The following VEGFC variants were observed in gnomAD, a reference collection of about 807,000 sequenced individuals.
The protein encoded by VEGFC is FLT4 ligand DHM.
Under a neutral mutation model 46.1 loss-of-function variants are expected in VEGFC, and 12 were observed. The observed-to-expected ratio is 0.26, with a 90% CI of 0.17 to 0.42. The LOEUF (loss-of-function observed/expected upper bound fraction) is 0.42, where lower values mean the gene tolerates loss of function less well. Among genes scored for constraint, VEGFC ranks in the 10% least tolerant of loss-of-function variants. The probability of loss-of-function intolerance (pLI) is 1.00; values close to 1 mark genes in which losing one functional copy is unlikely to be tolerated. For missense variants in VEGFC, 488 were observed against 529.4 expected, an observed-to-expected ratio of 0.92 and a Z score of 0.77; for synonymous variants, 232 against 195.5, an observed-to-expected ratio of 1.19 and a Z score of -1.56.
chr4:176,706,493 G>A (rs1414683085), intron 4 of VEGFC, among the ~76,000 whole-genome samples: 1 of 151,752 alleles, frequency 6.6e-6, no homozygotes, highest in Non-Finnish European at 1.5e-5. Flanking sequence ...CAGGCATGGT[G>A]GCGGGCAACT....
intron 1 of VEGFC, among the ~76,000 whole-genome samples, chr4:176,757,258 CAT>C (rs1483954440): frequency 6.6e-6 from 1 of 151,978 alleles, no homozygotes; most frequent in Non-Finnish European, 1.5e-5. Flanking sequence ...AAGGAACACA[CAT>C]GTGTACTTGT....
At chr4:176,790,117 C>T (rs796449388) in intron 1 of VEGFC, among the ~76,000 whole-genome samples, 1 of 152,136 alleles carries the variant, frequency 6.6e-6, no homozygotes, top group Non-Finnish European at 1.5e-5. Flanking sequence ...AGTTGTGTGA[C>T]ATGTTTCATA....
intron 2 of VEGFC, 110 bp downstream of exon 2, chr4:176,729,423 G>T (rs781008260): frequency 1.2e-5 from 10 of 815,502 alleles, no homozygotes; most frequent in East Asian, 2.8e-5. Context: ...TTTGCTTTCC[G>T]CCCTAAAGGT....
intron 6 of VEGFC, among the ~76,000 whole-genome samples, chr4:176,684,547 C>T (rs1734003964): frequency 6.6e-6 from 1 of 152,050 alleles, no homozygotes; most frequent in Non-Finnish European, 1.5e-5. Flanking sequence ...CGGTGACTAA[C>T]TCTTCCTTTC....
At chr4:176,735,081 A>AAAAC (rs1735031263) in intron 1 of VEGFC, among the ~76,000 whole-genome samples, 1 of 151,706 alleles carries the variant, frequency 6.6e-6, no homozygotes, top group Non-Finnish European at 1.5e-5. Context: ...TCTGTCATGG[A>AAAAC]ATTTTGCTGT....
At chr4:176,703,185 C>G (rs1212699298) in intron 4 of VEGFC, among the ~76,000 whole-genome samples, 1 of 151,810 alleles carries the variant, frequency 6.6e-6, no homozygotes, top group African/African-American at 2.4e-5. Context: ...TAGAAGGGAA[C>G]TTTTTTGTTT....
At chr4:176,763,276 G>A (rs548969795) in intron 1 of VEGFC, among the ~76,000 whole-genome samples, 5 of 152,082 alleles carry the variant, frequency 3.3e-5, no homozygotes, top group East Asian at 1.9e-4. Context: ...CAAAAAGCAC[G>A]CCATTTCTAT....
At chr4:176,710,034 G>C (rs1197619987) in intron 4 of VEGFC, among the ~76,000 whole-genome samples, 2 of 152,016 alleles carry the variant, frequency 1.3e-5, no homozygotes, top group African/African-American at 4.8e-5. Context: ...TGATTTCAAG[G>C]CCTCAAAGAA....
chr4:176,724,261 TA>T (rs1438201649), intron 3 of VEGFC, among the ~76,000 whole-genome samples: 2 of 152,128 alleles, frequency 1.3e-5, no homozygotes, highest in African/African-American at 4.8e-5. Context: ...ACAAACTCCC[TA>T]AAACTGTGGG....
chr4:176,726,403 G>A (rs1030262110), intron 3 of VEGFC, among the ~76,000 whole-genome samples: 2 of 75,576 alleles, frequency 2.6e-5, no homozygotes, highest in African/African-American at 3.9e-5. Flanking sequence ...AGGCCCCAAA[G>A]CATCACCTTT....
chr4:176,748,605 A>G (rs1435092635), intron 1 of VEGFC, among the ~76,000 whole-genome samples: 1 of 152,006 alleles, frequency 6.6e-6, no homozygotes, highest in Admixed American at 6.6e-5. Flanking sequence ...TAAGAATATA[A>G]TAGGTATTAA....
chr4:176,746,889 T>C (rs958732513), intron 1 of VEGFC, among the ~76,000 whole-genome samples: 17 of 152,138 alleles, frequency 1.1e-4, no homozygotes, highest in Non-Finnish European at 1.9e-4. Flanking sequence ...GTTGATGAAC[T>C]CCTGTTTGCT....
At chr4:176,751,585 T>C (rs1735342747) in intron 1 of VEGFC, among the ~76,000 whole-genome samples, 1 of 151,784 alleles carries the variant, frequency 6.6e-6, no homozygotes. Flanking sequence ...AACAGATTTC[T>C]ACATATATAT....
At chr4:176,772,034 G>C (rs748181153) in intron 1 of VEGFC, among the ~76,000 whole-genome samples, 4 of 152,252 alleles carry the variant, frequency 2.6e-5, no homozygotes, top group Non-Finnish European at 5.9e-5. Context: ...GTTGGCTGCA[G>C]AAAGCCCTAT....
intron 1 of VEGFC, among the ~76,000 whole-genome samples, chr4:176,743,429 A>C (rs1029284836): frequency 2.0e-5 from 3 of 151,952 alleles, no homozygotes; most frequent in Non-Finnish European, 4.4e-5. Context: ...ATAAATGATT[A>C]AAACTCTTGT....
chr4:176,729,910 G>T (rs759309410), intron 1 of VEGFC, among the ~76,000 whole-genome samples, 164 bp from the exon 2 acceptor site: 7 of 151,954 alleles, frequency 4.6e-5, no homozygotes, highest in Non-Finnish European at 7.4e-5. Context: ...AATTATATTT[G>T]TATTTTAATT....
chr4:176,784,159 C>T (rs934872619), intron 1 of VEGFC, among the ~76,000 whole-genome samples: 1 of 151,286 alleles, frequency 6.6e-6, no homozygotes, highest in Non-Finnish European at 1.5e-5. Context: ...ACCTCCGCCT[C>T]CTGGGCTCAA....
At chr4:176,756,137 A>T (rs1735429335) in intron 1 of VEGFC, among the ~76,000 whole-genome samples, 1 of 152,150 alleles carries the variant, frequency 6.6e-6, no homozygotes, top group African/African-American at 2.4e-5. Context: ...CACATTCATG[A>T]CTTTTTAAAT....
At chr4:176,684,215 G>A (rs925666555) in intron 6 of VEGFC, among the ~76,000 whole-genome samples, 175 bp from the exon 7 acceptor site, 1 of 152,206 alleles carries the variant, frequency 6.6e-6, no homozygotes, top group Non-Finnish European at 1.5e-5. Context: ...CAACATTTAA[G>A]AGGAATGGAA....
Sources: allele counts gnomAD v4.1 joint callset (sites outside exome capture counted in the v4.1 genomes callset), GRCh38; gene constraint gnomAD v4.1.1; transcripts MANE v1.5; gene names NCBI Gene and HGNC (gene_info 2026-07-23, HGNC 2026-07-21).